The following ZNF804A variants were observed in gnomAD, a reference collection of about 807,000 sequenced individuals.
The protein encoded by ZNF804A is zinc finger protein 804A.
Under a neutral mutation model 16.5 loss-of-function variants are expected in ZNF804A, and 2 were observed. The ratio of observed to expected loss-of-function variants is 0.12; its 90% CI spans 0.05 to 0.38. ZNF804A has a LOEUF of 0.38. Ranked by LOEUF, ZNF804A falls within the 10% of genes least tolerant of loss-of-function variation. The pLI, the probability that ZNF804A is intolerant of heterozygous loss-of-function variation, is 0.99. For missense variants in ZNF804A, 1,473 were observed against 1,390.7 expected, an observed-to-expected ratio of 1.06 and a Z score of -0.94; for synonymous variants, 534 against 489.6, an observed-to-expected ratio of 1.09 and a Z score of -1.20.
chr2:184,778,075 A>T (rs1199676665), intron 1 of ZNF804A, among the ~76,000 whole-genome samples: 1 of 151,694 alleles, frequency 6.6e-6, no homozygotes, highest in Non-Finnish European at 1.5e-5. Context: ...TGGAATAAAA[A>T]TATGTACCCT....
intron 1 of ZNF804A, among the ~76,000 whole-genome samples, chr2:184,610,856 T>C (rs1238411703): frequency 6.6e-6 from 1 of 152,236 alleles, no homozygotes; most frequent in African/African-American, 2.4e-5. Flanking sequence ...CCCTGTTAGT[T>C]ATGTTATCTT....
rs755147659 is a variant in ZNF804A at position 184,712,006 on chromosome 2, C to T, written c.111+112936C>T. Among the ~76,000 whole-genome samples, 192 of 151,758 alleles carry T rather than the reference C, an allele frequency of 1.3e-3. 2 individuals are homozygous for T. The highest frequency in any genetic ancestry group is 2.1e-3 in the Non-Finnish European group (140 of 67,706). On this transcript the variant is annotated intron_variant, in intron 1 of 3. Coordinates refer to ENST00000302277, the MANE Select transcript of ZNF804A (RefSeq NM_194250.2). Reference sequence around the variant, plus strand: ...TTATAATCTTTTTCTGTAAGAAATGCATTAGTATTTTGATAGGGATTTCAT... The same window carrying T: ...TTATAATCTTTTTCTGTAAGAAATGTATTAGTATTTTGATAGGGATTTCAT...
chr2:184,817,810 G>A (rs1451976525), intron 1 of ZNF804A, among the ~76,000 whole-genome samples: 1 of 151,986 alleles, frequency 6.6e-6, no homozygotes, highest in Non-Finnish European at 1.5e-5. Flanking sequence ...GAATTACAGA[G>A]CTTGAAGACT....
chr2:184,646,332 T>G (rs1691871937), intron 1 of ZNF804A, among the ~76,000 whole-genome samples: 1 of 152,220 alleles, frequency 6.6e-6, no homozygotes, highest in South Asian at 2.1e-4. Flanking sequence ...CAGTGAGACT[T>G]GCAGCCAGGT....
At chr2:184,717,262 G>A (rs1693229871) in intron 1 of ZNF804A, among the ~76,000 whole-genome samples, 1 of 151,828 alleles carries the variant, frequency 6.6e-6, no homozygotes, top group African/African-American at 2.4e-5. Context: ...ATTTATTTTT[G>A]TCTTCCCAGT....
chr2:184,649,258 A>G (rs1691941275), intron 1 of ZNF804A, among the ~76,000 whole-genome samples: 1 of 152,048 alleles, frequency 6.6e-6, no homozygotes, highest in Non-Finnish European at 1.5e-5. Flanking sequence ...ACCATACCAA[A>G]CTCTGTGGGA....
In ZNF804A at chr2:184,848,348, T is replaced by C. The variant is rs117883619; in HGVS notation, c.112-18021T>C. ...AACCACTTTTTCCACATGCTTATGT[T>C]GTACTCTGTCTCTCCCTCATTGTTA... On this transcript the variant is annotated intron_variant, in intron 1 of 3. Coordinates refer to ENST00000302277, the MANE Select transcript of ZNF804A (RefSeq NM_194250.2). Among the ~76,000 whole-genome samples the C allele has an allele frequency of 5.3e-5, 8 of 152,202 alleles. No homozygotes were observed. The East Asian group carries it at 1.5e-3, about 29-fold the overall frequency.
At chr2:184,869,368 T>C (rs961105029) in intron 2 of ZNF804A, among the ~76,000 whole-genome samples, 6 of 151,982 alleles carry the variant, frequency 3.9e-5, no homozygotes, top group African/African-American at 1.2e-4. Flanking sequence ...ACTGATGCAT[T>C]CATTTCCTAC....
At chr2:184,629,156 T>C (rs1272154817) in intron 1 of ZNF804A, among the ~76,000 whole-genome samples, 1 of 152,194 alleles carries the variant, frequency 6.6e-6, no homozygotes, top group Non-Finnish European at 1.5e-5. Flanking sequence ...ATTCTTTATA[T>C]ATTCATAGTA....
intron 1 of ZNF804A, among the ~76,000 whole-genome samples, chr2:184,633,446 C>T (rs1373928695): frequency 1.3e-5 from 2 of 152,146 alleles, no homozygotes; most frequent in African/African-American, 4.8e-5. Flanking sequence ...CAACACTACA[C>T]TTACCCAGTT....
chr2:184,912,463 T>C (rs1382582865), intron 2 of ZNF804A, among the ~76,000 whole-genome samples: 1 of 152,022 alleles, frequency 6.6e-6, no homozygotes, highest in Non-Finnish European at 1.5e-5. Context: ...TTTGGGCATA[T>C]ACCTAGAAAT....
chr2:184,866,694 A>ATTT (rs1558986950), intron 2 of ZNF804A, among the ~76,000 whole-genome samples, 182 bp downstream of exon 2: 17 of 148,114 alleles, frequency 1.1e-4, no homozygotes, highest in African/African-American at 1.5e-4. Context: ...TTTTTTTTTA[A>ATTT]AAAAAAAGGC....
chr2:184,705,862 G>A (rs560591871), intron 1 of ZNF804A, among the ~76,000 whole-genome samples: 10 of 152,046 alleles, frequency 6.6e-5, no homozygotes, highest in Non-Finnish European at 1.5e-4. Flanking sequence ...AAAAGTTATT[G>A]AACAACAGAT....
chr2:184,660,667 T>C (rs141623854), intron 1 of ZNF804A, among the ~76,000 whole-genome samples: 1 of 152,228 alleles, frequency 6.6e-6, no homozygotes, highest in South Asian at 2.1e-4. Context: ...TGTGTTTGCC[T>C]TCTAGAAACG....
intron 1 of ZNF804A, among the ~76,000 whole-genome samples, chr2:184,790,673 G>A (rs544110389): frequency 8.6e-4 from 130 of 151,768 alleles, no homozygotes; most frequent in African/African-American, 2.9e-3. Context: ...GAGTGATCTC[G>A]GCTCACTGCA....
At chr2:184,931,670 T>G (rs1685704876) in intron 2 of ZNF804A, among the ~76,000 whole-genome samples, 1 of 152,182 alleles carries the variant, frequency 6.6e-6, no homozygotes, top group African/African-American at 2.4e-5. Flanking sequence ...CGGAGATATT[T>G]TTCCCCAGTG....
At chr2:184,839,734 G>A (rs1358554342) in intron 1 of ZNF804A, among the ~76,000 whole-genome samples, 2 of 152,036 alleles carry the variant, frequency 1.3e-5, no homozygotes, top group African/African-American at 2.4e-5. Context: ...TTAACAGAAT[G>A]TTTACTACAT....
chr2:184,760,008 C>G (rs190634234), intron 1 of ZNF804A, among the ~76,000 whole-genome samples: 4 of 152,186 alleles, frequency 2.6e-5, no homozygotes, highest in Admixed American at 2.6e-4. Context: ...TTCATAGGGA[C>G]GTGAACTCGC....
At chr2:184,903,440 T>C (rs1258434980) in intron 2 of ZNF804A, among the ~76,000 whole-genome samples, 1 of 152,170 alleles carries the variant, frequency 6.6e-6, no homozygotes, top group African/African-American at 2.4e-5. Flanking sequence ...TATAGGCTTG[T>C]AGCCTAGGAG....
Sources: allele counts gnomAD v4.1 joint callset (sites outside exome capture counted in the v4.1 genomes callset), GRCh38; gene constraint gnomAD v4.1.1; transcripts MANE v1.5; gene names NCBI Gene and HGNC (gene_info 2026-07-23, HGNC 2026-07-21).